Variants in AQR observed in about 807,000 individuals in gnomAD.
AQR encodes RNA helicase aquarius.
A neutral mutation model predicts 180.5 loss-of-function variants in AQR; 61 were observed. The observed-to-expected ratio is 0.34, with a 90% CI of 0.28 to 0.42. The LOEUF (loss-of-function observed/expected upper bound fraction) is 0.42. AQR is among the 10% of genes least tolerant of loss of function. The probability of loss-of-function intolerance (pLI) is 1.00; values close to 1 mark genes in which losing one functional copy is unlikely to be tolerated. For missense variants in AQR, 1,281 were observed against 1,798.3 expected, an observed-to-expected ratio of 0.71 and a Z score of 5.20; for synonymous variants, 551 against 588.8, an observed-to-expected ratio of 0.94 and a Z score of 0.93.
intron 18 of AQR, among the ~76,000 whole-genome samples, chr15:34,906,238 G>A (rs547250694): frequency 1.3e-5 from 2 of 152,128 alleles, no homozygotes; most frequent in East Asian, 1.9e-4. Flanking sequence ...GGGCATGGTC[G>A]CACGTGCCTA....
intron 11 of AQR, among the ~76,000 whole-genome samples, chr15:34,930,967 GCTGGGA>G (rs1893849310): frequency 6.6e-6 from 1 of 151,806 alleles, no homozygotes; most frequent in South Asian, 2.1e-4. Flanking sequence ...CTCCGGAGTA[GCTGGGA>G]CTACAGGCGC....
rs758798922 is a variant in AQR, at chr15:34,906,477, A to G, written c.1831+68T>C. The G allele has an allele frequency of 1.2e-4, 193 of 1,552,946 alleles. 1 individual carries two copies. Among genetic ancestry groups the G allele is most frequent in the Admixed American group, 7.6e-4 (37 of 48,926 alleles). Reference sequence around the variant, plus strand: ...CTAAAAAATATTACCTAAGAAGCAAAAAGGGAAAAAGGCAAAGAAATTTAT... The same window carrying G: ...CTAAAAAATATTACCTAAGAAGCAAGAAGGGAAAAAGGCAAAGAAATTTAT... On this transcript the variant is annotated intron_variant, in intron 18 of 34. Transcript: ENST00000156471.
chr15:34,923,179 C>G (rs1316655614), intron 13 of AQR, among the ~76,000 whole-genome samples: 1 of 152,030 alleles, frequency 6.6e-6, no homozygotes, highest in African/African-American at 2.4e-5. Flanking sequence ...TCTTACTGTG[C>G]CTACTTCATA....
At chr15:34,881,887 C>T (rs1220414575) in intron 27 of AQR, among the ~76,000 whole-genome samples, 1 of 152,084 alleles carries the variant, frequency 6.6e-6, no homozygotes, top group Non-Finnish European at 1.5e-5. Context: ...CTCACTGCAA[C>T]CTCTGCCTCC....
At chr15:34,908,882 T>C (rs956107540) in intron 17 of AQR, among the ~76,000 whole-genome samples, 2 of 152,206 alleles carry the variant, frequency 1.3e-5, no homozygotes, top group African/African-American at 4.8e-5. Flanking sequence ...ACCCACAGTG[T>C]TTAATATCTC....
At chr15:34,907,955 C>T (rs1003590619) in intron 17 of AQR, among the ~76,000 whole-genome samples, 3 of 152,128 alleles carry the variant, frequency 2.0e-5, no homozygotes, top group Non-Finnish European at 4.4e-5. Flanking sequence ...CTATATGTCT[C>T]TCTCCTTGCA....
intron 15 of AQR, among the ~76,000 whole-genome samples, chr15:34,916,902 GAAAGAA>G (rs1893602039): frequency 2.0e-5 from 2 of 97,760 alleles, no homozygotes; most frequent in African/African-American, 8.4e-5. Flanking sequence ...AAAAAAAAAA[GAAAGAA>G]AGAAAAAAAG....
intron 2 of AQR, among the ~76,000 whole-genome samples, chr15:34,961,662 CAAAAA>C (rs60598508): frequency 2.7e-5 from 3 of 112,764 alleles, no homozygotes; most frequent in African/African-American, 3.5e-5. Flanking sequence ...CTGTACATCT[CAAAAA>C]AAAAAAAAAA....
At chr15:34,881,353 C>T (rs1311013985) in intron 27 of AQR, among the ~76,000 whole-genome samples, 9 of 152,088 alleles carry the variant, frequency 5.9e-5, no homozygotes, top group Admixed American at 1.3e-4. Context: ...ATTTATTTAG[C>T]GCCTATCTTT....
intron 30 of AQR, among the ~76,000 whole-genome samples, chr15:34,871,504 T>A (rs1326473271): frequency 1.8e-5 from 2 of 111,674 alleles, no homozygotes; most frequent in Non-Finnish European, 3.4e-5. Flanking sequence ...AGATCTCATC[T>A]CCAAAAAAAA....
chr15:34,890,217 G>A lies in AQR; in HGVS notation c.2679C>T (p.Ser893=), dbSNP rs1278991330. Residue 893 remains serine, a splice_region_variant and synonymous_variant, in exon 24 of 35, where the codon AGC becomes AGT. Transcript: ENST00000156471. Reference sequence around the variant, plus strand: ...GTTACTCACTCCCATTTGCTCACCTGCTGAAATCTTTCTCTGTCTCCAGCT... The same window carrying A: ...GTTACTCACTCCCATTTGCTCACCTACTGAAATCTTTCTCTGTCTCCAGCT... ...EEELETEKDF[S]RYGRVNYVLA... 3.7e-6 allele frequency: 6 copies of A among 1,611,634 alleles called. No homozygotes were observed. The highest frequency in any genetic ancestry group is 4.2e-6 in the Non-Finnish European group (5 of 1,179,208).
intron 34 of AQR, 36 bp from the exon 35 acceptor site, chr15:34,857,142 A>T (rs745514390): frequency 6.6e-7 from 1 of 1,507,212 alleles, no homozygotes; most frequent in Non-Finnish European, 8.8e-7. Flanking sequence ...CAATACCAAT[A>T]TGAAAAACAG....
At chr15:34,914,954 C>T in intron 16 of AQR, 84 bp downstream of exon 16, 2 of 1,374,642 alleles carry the variant, frequency 1.5e-6, no homozygotes, top group Non-Finnish European at 1.9e-6. Context: ...TATATTATTT[C>T]TAAATATACT....
chr15:34,858,526 T>C (rs1413545738), intron 34 of AQR, among the ~76,000 whole-genome samples: 1 of 152,128 alleles, frequency 6.6e-6, no homozygotes, highest in African/African-American at 2.4e-5. Flanking sequence ...TAAACAATCC[T>C]CCTCTTCAAA....
intron 3 of AQR, among the ~76,000 whole-genome samples, chr15:34,959,643 G>A (rs2050262638): frequency 6.6e-6 from 1 of 152,188 alleles, no homozygotes; most frequent in Non-Finnish European, 1.5e-5. Context: ...TAATCACTCA[G>A]CAACTTAAGC....
rs1283335864 is a variant in AQR at position 34,853,258 on chromosome 15, T to A, written c.*3534A>T. On this transcript the variant is annotated 3_prime_UTR_variant, in exon 35 of 35. Coordinates refer to ENST00000156471, the MANE Select transcript of AQR (RefSeq NM_014691.3). Reference sequence around the variant, plus strand: ...AGGGTCACTGTTTTTTTTTTTTTTTTAACTTTATCTTGTTTTGATTGAAGA... The same window carrying A: ...AGGGTCACTGTTTTTTTTTTTTTTTAAACTTTATCTTGTTTTGATTGAAGA... The A allele has an allele frequency of 2.6e-5, 4 of 151,406 alleles. No individual in the cohort carries two copies. The highest frequency in any genetic ancestry group is 5.9e-5 in the Non-Finnish European group (4 of 67,930). 9.4% of individuals were successfully genotyped at this position (151,406 alleles called of 1,614,324 possible). A position where few individuals can be genotyped will look rare whatever the true frequency, so the allele number is the denominator to read the frequency against.
In AQR at chr15:34,932,386, G is replaced by A. The variant is rs764627319; in HGVS notation, c.832C>T (p.His278Tyr). ...GAAAGGTAACAGTGAACCAGAAGGT[G>A]GGAATCATCCAGGATGGTATTAAAC... ...RWFNTILDDS[H>Y]LLVHCYLSNL... The change falls in exon 11 of 35, where the codon CAC (histidine) becomes TAC (tyrosine). Residue 278 changes from histidine (H) to tyrosine (Y), a missense_variant. His to Tyr is a moderately conservative substitution (Grantham distance 83). Transcript: ENST00000156471. 1 of 1,613,030 alleles carries A rather than the reference G, an allele frequency of 6.2e-7. No individual in the cohort carries two copies. Among genetic ancestry groups the A allele is most frequent in the Non-Finnish European group, 8.5e-7 (1 of 1,179,660 alleles).
Position 34,918,972 on chromosome 15 carries a change from C to T in AQR, c.1222-594G>A, listed in dbSNP as rs144484965. 6.6e-3 allele frequency among the ~76,000 whole-genome samples: 1,008 copies of T among 152,272 alleles called. 12 individuals are homozygous for T. Among genetic ancestry groups the T allele is most frequent in the African/African-American group, 0.023 (958 of 41,558 alleles). On this transcript the variant is annotated intron_variant, in intron 14 of 34. Coordinates refer to ENST00000156471, the MANE Select transcript of AQR (RefSeq NM_014691.3). ...ATAAGTGTTACACCGGGTGCAGTGG[C>T]TCATGCCTTTAATCCCAGCACTTTG... is the stretch of plus-strand genomic sequence containing the variant.
intron 12 of AQR, among the ~76,000 whole-genome samples, chr15:34,929,404 T>G (rs1893815004): frequency 5.3e-5 from 8 of 152,206 alleles, no homozygotes; most frequent in Admixed American, 5.2e-4. Context: ...ATTTTCTGCA[T>G]GTGGCTAGCC....
Sources: allele counts gnomAD v4.1 joint callset (sites outside exome capture counted in the v4.1 genomes callset), GRCh38; gene constraint gnomAD v4.1.1; transcripts MANE v1.5; gene names NCBI Gene and HGNC (gene_info 2026-07-23, HGNC 2026-07-21).